The following DACH2 variants were observed in gnomAD, a reference collection of about 807,000 sequenced individuals.
The protein encoded by DACH2 is dachshund family transcription factor 2.
In DACH2, 17 loss-of-function variants were observed where a neutral mutation model predicts 35.8. The observed-to-expected ratio is 0.48, with a 90% CI of 0.33 to 0.71. DACH2 has a LOEUF of 0.71. Among genes scored for constraint, DACH2 ranks in the 30% least tolerant of loss-of-function variants. The probability of loss-of-function intolerance (pLI) is 0.02; values close to 1 mark genes in which losing one functional copy is unlikely to be tolerated. For synonymous variants in DACH2, 195 were observed against 177.3 expected (o/e 1.10, Z -0.79); for missense variants, 469 against 472.7 (o/e 0.99, Z 0.07).
intron 7 of DACH2, among the ~76,000 whole-genome samples, chrX:86,740,269 TAA>T (rs1409378061): frequency 9.0e-6 from 1 of 111,373 alleles, no homozygotes; most frequent in Non-Finnish European, 1.9e-5. Context: ...TGAATCAATA[TAA>T]GATTTGCCAA....
At chrX:86,445,006 C>T (rs2037235700) in intron 2 of DACH2, among the ~76,000 whole-genome samples, 1 of 110,784 alleles carries the variant, frequency 9.0e-6, no homozygotes, top group Non-Finnish European at 1.9e-5. Flanking sequence ...TTATGGAATG[C>T]TTATCAGAAA....
chrX:86,387,234 G>A (rs192359979), intron 2 of DACH2, among the ~76,000 whole-genome samples: 10 of 111,206 alleles, frequency 9.0e-5, no homozygotes, highest in Non-Finnish European at 1.7e-4. Flanking sequence ...AAATAAATTT[G>A]GGAAATATGG....
chrX:86,570,719 T>A (rs1385942239), intron 3 of DACH2, among the ~76,000 whole-genome samples: 2 of 110,430 alleles, frequency 1.8e-5, no homozygotes, highest in Admixed American at 1.9e-4. Context: ...ATCCTGCACA[T>A]GTACCCAGAA....
At chrX:86,355,088 A>T (rs756347836) in intron 1 of DACH2, among the ~76,000 whole-genome samples, 2 of 111,059 alleles carry the variant, frequency 1.8e-5, no homozygotes, top group Non-Finnish European at 3.8e-5. Context: ...CTCAGTATCT[A>T]TTGTTCCCTT....
At chrX:86,600,524 G>C (rs1227386046) in intron 3 of DACH2, among the ~76,000 whole-genome samples, 1 of 112,133 alleles carries the variant, frequency 8.9e-6, no homozygotes, top group Non-Finnish European at 1.9e-5. Context: ...TGCTTACAAG[G>C]TAATTGCTGT....
rs149819724 is a variant in DACH2 at position 86,459,549 on chromosome X, C to A, written c.528-54730C>A. ...TATGACAAACTAATGTAGTAAATGA[C>A]CTTTAACTTAGTAAACAACCTGAAA... On this transcript the variant is annotated intron_variant, in intron 2 of 11. Coordinates refer to ENST00000373125, the MANE Select transcript of DACH2 (RefSeq NM_053281.3). 5.1e-3 allele frequency among the ~76,000 whole-genome samples: 563 copies of A among 111,327 alleles called. 5 individuals carry two copies. The highest frequency in any genetic ancestry group is 0.017 in the African/African-American group (535 of 30,728).
chrX:86,335,311 G>A (rs762185304), intron 1 of DACH2, among the ~76,000 whole-genome samples: 2 of 111,339 alleles, frequency 1.8e-5, no homozygotes, highest in Non-Finnish European at 3.8e-5. Flanking sequence ...TAGCTTGATG[G>A]GAATAACATT....
At chrX:86,333,486 T>C (rs966666145) in intron 1 of DACH2, among the ~76,000 whole-genome samples, 1 of 111,403 alleles carries the variant, frequency 9.0e-6, no homozygotes, top group African/African-American at 3.3e-5. Context: ...TAGTTTGAAC[T>C]GGAAACAAGG....
chrX:86,408,705 C>T (rs1473291855), intron 2 of DACH2, among the ~76,000 whole-genome samples: 1 of 111,381 alleles, frequency 9.0e-6, no homozygotes, highest in African/African-American at 3.3e-5. Context: ...AGCTCTCTTT[C>T]TCGGATATGC....
At chrX:86,445,291 A>G (rs1482287104) in intron 2 of DACH2, among the ~76,000 whole-genome samples, 1 of 88,334 alleles carries the variant, frequency 1.1e-5, no homozygotes, top group African/African-American at 4.3e-5. Flanking sequence ...TCTCACTCAT[A>G]GGTGGGAATT....
chrX:86,706,233 T>C (rs1396278805), intron 5 of DACH2, among the ~76,000 whole-genome samples: 1 of 111,235 alleles, frequency 9.0e-6, no homozygotes, highest in Admixed American at 9.6e-5. Flanking sequence ...ACTTGTACTC[T>C]CGAAGCTATT....
intron 1 of DACH2, among the ~76,000 whole-genome samples, chrX:86,251,858 G>A (rs2033407966): frequency 8.9e-6 from 1 of 111,749 alleles, no homozygotes; most frequent in Non-Finnish European, 1.9e-5. Flanking sequence ...TGGGTACCCA[G>A]TAGTGGAATT....
intron 4 of DACH2, among the ~76,000 whole-genome samples, chrX:86,667,529 GAAAGAAAGAAAGAAAGAAGA>G (rs1342662888): frequency 2.9e-3 from 176 of 61,189 alleles, no homozygotes; most frequent in East Asian, 0.013. Context: ...AAGAAAGAAA[GAAAGAAAGAAAGAAAGAAGA>G]AAGAAAGAAA....
At position 86,609,818 on chromosome X, in the gene DACH2, T is replaced by A. The variant is rs146342340; in HGVS notation, c.641-41218T>A. Among the ~76,000 whole-genome samples the A allele has an allele frequency of 3.9e-3, 427 of 110,903 alleles. 3 individuals carry two copies. Among genetic ancestry groups the A allele is most frequent in the African/African-American group, 0.014 (414 of 30,475 alleles). The stretch of plus-strand genomic sequence containing the variant: ...TTACCTTCTCCCCCACAAAATAGAG[T>A]CTCTTTGTCTGTTCTGAGCCACCTA... On this transcript the variant is annotated intron_variant, in intron 3 of 11. Transcript: ENST00000373125.
At chrX:86,630,200 G>GA (rs1423327730) in intron 3 of DACH2, among the ~76,000 whole-genome samples, 2 of 109,634 alleles carry the variant, frequency 1.8e-5, no homozygotes. Flanking sequence ...GTAAAGCTTT[G>GA]AAAAAACTGC....
At chrX:86,819,814 G>A (rs1238754384) in intron 11 of DACH2, among the ~76,000 whole-genome samples, 1 of 111,047 alleles carries the variant, frequency 9.0e-6, no homozygotes, top group African/African-American at 3.3e-5. Context: ...TAATTAATTA[G>A]CATGAACAGC....
chrX:86,332,088 G>A (rs763636223), intron 1 of DACH2, among the ~76,000 whole-genome samples: 2 of 111,291 alleles, frequency 1.8e-5, no homozygotes, highest in East Asian at 5.7e-4. Context: ...GTTTCATTAC[G>A]TATTGAAGAT....
chrX:86,825,977 A>C (rs1341296537), intron 11 of DACH2, among the ~76,000 whole-genome samples: 1 of 111,912 alleles, frequency 8.9e-6, no homozygotes, highest in East Asian at 2.8e-4. Context: ...TTAGATACAT[A>C]CTATCTGATA....
chrX:86,386,053 T>G (rs1478417546), intron 2 of DACH2, among the ~76,000 whole-genome samples: 1 of 111,992 alleles, frequency 8.9e-6, no homozygotes, highest in Admixed American at 9.5e-5. Flanking sequence ...GTTTATACTT[T>G]ACTCATATTT....
Sources: allele counts gnomAD v4.1 joint callset (sites outside exome capture counted in the v4.1 genomes callset), GRCh38; gene constraint gnomAD v4.1.1; transcripts MANE v1.5; gene names NCBI Gene and HGNC (gene_info 2026-07-23, HGNC 2026-07-21).